The following RAET1E variants were observed in gnomAD, a reference collection of about 807,000 sequenced individuals.
The protein encoded by RAET1E is retinoic acid early transcript 1E.
A neutral mutation model predicts 21.1 loss-of-function variants in RAET1E; 27 were observed. The ratio of observed to expected loss-of-function variants is 1.28; its 90% CI spans 0.94 to 1.76. The LOEUF (loss-of-function observed/expected upper bound fraction) is 1.76, where lower values mean the gene tolerates loss of function less well. Ranked by LOEUF, RAET1E falls within the 40% of genes most tolerant of loss-of-function variation. The pLI, the probability that RAET1E is intolerant of heterozygous loss-of-function variation, is 0.00. For missense variants in RAET1E, 310 were observed against 311.3 expected (o/e 1.00, Z 0.03); for synonymous variants, 113 against 115.0 (o/e 0.98, Z 0.11).
In RAET1E at chr6:149,887,414, G is replaced by A. The variant is rs1405969788; in HGVS notation, c.*1084C>T. Among the ~76,000 whole-genome samples the A allele has an allele frequency of 6.6e-6, 1 of 152,100 alleles. No individual in the cohort carries two copies. The highest frequency in any genetic ancestry group is 2.4e-5 in the African/African-American group (1 of 41,424). ...CAGCATATTCACTCCCTGGGTTCCT[G>A]CTGCCATCACACCACCCACCACACG... On this transcript the variant is annotated 3_prime_UTR_variant, in exon 6 of 6. Coordinates refer to ENST00000357183, the MANE Select transcript of RAET1E (RefSeq NM_001394057.1).
In RAET1E at chr6:149,890,882, G is replaced by A. The variant is rs148438751; in HGVS notation, c.20C>T (p.Thr7Ile). The change falls in exon 3 of 6, where the codon ACT (threonine) becomes ATT (isoleucine). Residue 7 changes from threonine (T) to isoleucine (I), a missense_variant. By Grantham distance (89) the Thr-to-Ile change is moderately conservative. Transcript: ENST00000357183. Reference protein sequence around the residue: MRRISLTSSPVRLLLFL... With the variant: MRRISLISSPVRLLLFL... ...CAAAAGAAGGCGCACAGGGCTAGAA[G>A]TCAGGGATATTCTTCGCATACTGTG... The A allele has an allele frequency of 2.5e-6, 4 of 1,612,702 alleles. No individual in the cohort carries two copies. The highest frequency in any genetic ancestry group is 1.7e-5 in the Admixed American group (1 of 60,006).
Position 149,890,857 on chromosome 6 carries a change from C to T in RAET1E, c.45G>A (p.Leu15=). 3 of 1,613,852 alleles carry T rather than the reference C, an allele frequency of 1.9e-6. No homozygotes were observed. The highest frequency in any genetic ancestry group is 2.5e-6 in the Non-Finnish European group (3 of 1,179,772). Residue 15 remains leucine (L), a synonymous_variant, in exon 3 of 6, where the codon TTG becomes TTA. Transcript: ENST00000357183. ...AGGCTATTAGTAGCAACAGCAGAAA[C>T]AAAAGAAGGCGCACAGGGCTAGAAG... ...SLTSSPVRLL[L]FLLLLLIALE... is the part of the protein sequence containing the mutation.
At position 149,890,959 on chromosome 6, in the gene RAET1E, G is replaced by T; in HGVS notation, c.-58C>A. On this transcript the variant is annotated 5_prime_UTR_variant, in exon 3 of 6. Coordinates refer to ENST00000357183, the MANE Select transcript of RAET1E (RefSeq NM_001394057.1). The stretch of plus-strand genomic sequence containing the variant: ...TGTACACATTCACCCTCACTGGTAT[G>T]GTGAAGAAATGTTATCCAACAGCGT... 8.1e-7 allele frequency: 1 copy of T among 1,242,000 alleles called. No homozygotes were observed. The highest frequency in any genetic ancestry group is 1.2e-6 in the Non-Finnish European group (1 of 846,328). The allele number at this position is 1,242,000 out of a possible 1,614,324, so 76.9% of individuals were successfully genotyped here.
chr6:149,889,991 C>G lies in RAET1E; in HGVS notation c.240G>C (p.Lys80Asn). The change falls in exon 4 of 6, where the codon AAG (lysine) becomes AAC (asparagine). Residue 80 changes from lysine (K) to asparagine (N), a missense_variant. By Grantham distance (94) the Lys-to-Asn change is moderately conservative (BLOSUM62 0). Coordinates refer to ENST00000357183, the MANE Select transcript of RAET1E (RefSeq NM_001394057.1). The stretch of plus-strand genomic sequence containing the variant: ...CTCCCCAAGTGCTGGTGGCATATAC[C>G]TTCTTCCCCAGGAGGCCCAGAGGTT... ...MVKPLGLLGK[K>N]VYATSTWGEL... 2 of 1,614,170 alleles carry G rather than the reference C, an allele frequency of 1.2e-6. No homozygotes were observed. The highest frequency in any genetic ancestry group is 1.1e-5 in the South Asian group (1 of 91,082).
chr6:149,888,685 AAG>A lies in RAET1E; in HGVS notation c.623-20_623-19del, dbSNP rs1554263117. The A allele has an allele frequency of 1.2e-5, 19 of 1,551,770 alleles. No individual in the cohort carries two copies. Among genetic ancestry groups the A allele is most frequent in the Admixed American group, 4.4e-5 (2 of 45,688 alleles). On this transcript the variant is annotated intron_variant, in intron 5 of 5. Coordinates refer to ENST00000357183, the MANE Select transcript of RAET1E (RefSeq NM_001394057.1). Reference sequence around the variant, plus strand: ...TGGTGACACTAAAAAAAAAAAAAAAAAGAAAAAAAAGCACAAGCCCTGTCACA... The same window carrying A: ...TGGTGACACTAAAAAAAAAAAAAAAAAAAAAAAAGCACAAGCCCTGTCACA...
intron 5 of RAET1E, 119 bp from the exon 6 acceptor site, chr6:149,888,786 T>A: frequency 7.2e-7 from 1 of 1,396,552 alleles, no homozygotes; most frequent in Non-Finnish European, 9.5e-7. Context: ...CCCCACATAA[T>A]CACTGGCTCA....
intron 4 of RAET1E, 62 bp downstream of exon 4, chr6:149,889,823 T>C: frequency 6.4e-7 from 1 of 1,571,628 alleles, no homozygotes; most frequent in Non-Finnish European, 8.7e-7. Flanking sequence ...CCTCCCCATC[T>C]GTGTTCTTCC....
chr6:149,887,954 C>T lies in RAET1E; in HGVS notation c.*544G>A, dbSNP rs940910587. Among the ~76,000 whole-genome samples, 1 of 152,146 alleles carries T rather than the reference C, an allele frequency of 6.6e-6. No homozygotes were observed. The highest frequency in any genetic ancestry group is 2.4e-5 in the African/African-American group (1 of 41,436). On this transcript the variant is annotated 3_prime_UTR_variant, in exon 6 of 6. Transcript: ENST00000357183. ...GTGTTGGCTCCCCCTGTAATCCCAG[C>T]GCTTTGGGAGGCCGAGGCGGGAGCA...
Position 149,888,556 on chromosome 6 carries a change from C to G in RAET1E, c.734G>C (p.Cys245Ser). The G allele has an allele frequency of 6.2e-7, 1 of 1,613,070 alleles. No homozygotes were observed. Among genetic ancestry groups the G allele is most frequent in the Non-Finnish European group, 8.5e-7 (1 of 1,179,840 alleles). Residue 245 changes from cysteine (C) to serine (S), a missense_variant, in exon 6 of 6, where the codon TGT (cysteine) becomes TCT (serine). By Grantham distance (112) the Cys-to-Ser change is moderately radical (BLOSUM62 -1). Transcript: ENST00000357183. ...CCACTCACCATTTTGCCACCAGACACAGATGAGAACAATTCCCATTAAAAC... is the reference window on the plus strand; with the variant it reads ...CCACTCACCATTTTGCCACCAGACAGAGATGAGAACAATTCCCATTAAAAC... ...LLVLMGIVLI[C>S]VWWQNGEWQA...
chr6:149,892,529 T>C (rs1461306483), intron 2 of RAET1E, among the ~76,000 whole-genome samples: 6 of 152,238 alleles, frequency 3.9e-5, no homozygotes, highest in African/African-American at 1.4e-4. Context: ...TCTGTTCATA[T>C]ACTTTGCCCA....
chr6:149,894,997 C>T (rs1778056133), intron 2 of RAET1E, among the ~76,000 whole-genome samples: 1 of 152,100 alleles, frequency 6.6e-6, no homozygotes, highest in Non-Finnish European at 1.5e-5. Context: ...GTTTCTTTTC[C>T]TTCTAACCAT....
Position 149,883,570 on chromosome 6 carries a change from G to T in RAET1E, c.*4928C>A. On this transcript the variant is annotated 3_prime_UTR_variant, in exon 6 of 6. Transcript: ENST00000357183. ...AAATTAGCCGGGCGTGGTGGCTCAT[G>T]CCTGTAATCCCAGCTACTCAGGAGG... 6.6e-6 allele frequency: 1 copy of T among 152,408 alleles called. No individual in the cohort carries two copies. The highest frequency in any genetic ancestry group is 1.5e-5 in the Non-Finnish European group (1 of 68,170). The allele number at this position is 152,408 out of a possible 1,614,324, so 9.4% of individuals were successfully genotyped here. A position where few individuals can be genotyped will look rare whatever the true frequency, so the allele number is the denominator to read the frequency against.
At chr6:149,893,036 G>C (rs1367690996) in intron 2 of RAET1E, among the ~76,000 whole-genome samples, 1 of 152,148 alleles carries the variant, frequency 6.6e-6, no homozygotes, top group Admixed American at 6.5e-5. Flanking sequence ...TGTTATTTCT[G>C]AGGCCTCCAT....
chr6:149,889,293 G>C lies in RAET1E; in HGVS notation c.622+55C>G, dbSNP rs771000695. On this transcript the variant is annotated intron_variant, in intron 5 of 5. Coordinates refer to ENST00000357183, the MANE Select transcript of RAET1E (RefSeq NM_001394057.1). ...ACACACACACTGACACCCACACAGGGAAGGCTTTTGACCTTTAAAGGGAGC... is the reference window on the plus strand; with the variant it reads ...ACACACACACTGACACCCACACAGGCAAGGCTTTTGACCTTTAAAGGGAGC... 111 of 1,598,628 alleles carry C rather than the reference G, an allele frequency of 6.9e-5. 1 individual carries two copies. The highest frequency in any genetic ancestry group is 9.4e-5 in the Non-Finnish European group (110 of 1,173,482).
Position 149,884,584 on chromosome 6 carries a change from C to A in RAET1E, c.*3914G>T. 8.3e-7 allele frequency: 1 copy of A among 1,206,592 alleles called. No individual in the cohort carries two copies. The highest frequency in any genetic ancestry group is 1.2e-6 in the Non-Finnish European group (1 of 848,100). The allele number at this position is 1,206,592 out of a possible 1,614,324, so 74.7% of individuals were successfully genotyped here. ...GACCCCTCCGTGATCTCTCAGGACT[C>A]AGATCCCACCTCTCTCTCAGGGAGA... is the stretch of plus-strand genomic sequence containing the variant. On this transcript the variant is annotated 3_prime_UTR_variant, in exon 6 of 6. Coordinates refer to ENST00000357183, the MANE Select transcript of RAET1E (RefSeq NM_001394057.1).
At position 149,897,703 on chromosome 6, in the gene RAET1E, T is replaced by G. The variant is rs114557864; in HGVS notation, c.-321+318A>C. ...GACAAGAGAAGTCGGAAAGAAGGAG[T>G]TAGGGCAGGAGAACAAGGAGAAATC... On this transcript the variant is annotated intron_variant, in intron 1 of 5. Transcript: ENST00000357183. 5.8e-3 allele frequency among the ~76,000 whole-genome samples: 882 copies of G among 151,564 alleles called. 16 individuals are homozygous for G. The highest frequency in any genetic ancestry group is 0.02 in the African/African-American group (841 of 41,278).
chr6:149,895,995 T>C lies in RAET1E; in HGVS notation c.-283A>G, dbSNP rs1778099543. The C allele has an allele frequency of 6.6e-6, 1 of 152,254 alleles. No homozygotes were observed. Among genetic ancestry groups the C allele is most frequent in the Non-Finnish European group, 1.5e-5 (1 of 68,050 alleles). 9.4% of individuals were successfully genotyped at this position (152,254 alleles called of 1,614,324 possible). A position where few individuals can be genotyped will look rare whatever the true frequency, so the allele number is the denominator to read the frequency against. On this transcript the variant is annotated 5_prime_UTR_variant, in exon 2 of 6. An upstream open reading frame in the 5' UTR loses its in-frame stop. Coordinates refer to ENST00000357183, the MANE Select transcript of RAET1E (RefSeq NM_001394057.1). Reference sequence around the variant, plus strand: ...GACAGCAAGCTCTCCTATCACTTCTTAATCCCACATGGCTCCACTCACATG... The same window carrying C: ...GACAGCAAGCTCTCCTATCACTTCTCAATCCCACATGGCTCCACTCACATG...
chr6:149,889,185 G>T, intron 5 of RAET1E, 163 bp downstream of exon 5: 2 of 1,442,272 alleles, frequency 1.4e-6, no homozygotes, highest in South Asian at 3.0e-5. Flanking sequence ...GATGGGAAAG[G>T]GAGGATGGTG....
rs1044842800 is a variant in RAET1E, at chr6:149,886,435, C to T, written c.*2063G>A. 6.6e-6 allele frequency among the ~76,000 whole-genome samples: 1 copy of T among 152,188 alleles called. No homozygotes were observed. Among genetic ancestry groups the T allele is most frequent in the African/African-American group, 2.4e-5 (1 of 41,440 alleles). ...ATTGAGATGGAATCTCACTCTGTCACCCAGGCTGGAGTGCAATGGCGCAAT... is the reference window on the plus strand; with the variant it reads ...ATTGAGATGGAATCTCACTCTGTCATCCAGGCTGGAGTGCAATGGCGCAAT... On this transcript the variant is annotated 3_prime_UTR_variant, in exon 6 of 6. Coordinates refer to ENST00000357183, the MANE Select transcript of RAET1E (RefSeq NM_001394057.1).
Sources: allele counts gnomAD v4.1 joint callset (sites outside exome capture counted in the v4.1 genomes callset), GRCh38; gene constraint gnomAD v4.1.1; transcripts MANE v1.5; gene names NCBI Gene and HGNC (gene_info 2026-07-23, HGNC 2026-07-21).